TMTC2: variants seen among roughly 807,000 people sequenced by gnomAD.
The protein encoded by TMTC2 is protein O-mannosyl-transferase TMTC2.
In TMTC2, 43 loss-of-function variants were observed where a neutral mutation model predicts 82.4. The ratio of observed to expected loss-of-function variants is 0.52; its 90% confidence interval spans 0.41 to 0.67. The LOEUF (loss-of-function observed/expected upper bound fraction) is 0.67. Among genes scored for constraint, TMTC2 ranks in the 30% least tolerant of loss-of-function variants. The pLI, the probability that TMTC2 is intolerant of heterozygous loss-of-function variation, is 0.00. For missense variants in TMTC2, 919 were observed against 1,012.4 expected, an observed-to-expected ratio of 0.91 and a Z score of 1.25; for synonymous variants, 408 against 381.9, an observed-to-expected ratio of 1.07 and a Z score of -0.80.
chr12:83,087,029 C>T (rs957061114), intron 11 of TMTC2, among the ~76,000 whole-genome samples: 1 of 152,220 alleles, frequency 6.6e-6, no homozygotes, highest in African/African-American at 2.4e-5. Context: ...ATTTTACCAA[C>T]AGTAGAACTT....
At chr12:83,084,683 A>G (rs1405447263) in intron 11 of TMTC2, among the ~76,000 whole-genome samples, 2 of 152,222 alleles carry the variant, frequency 1.3e-5, no homozygotes, top group Non-Finnish European at 2.9e-5. Context: ...TTGTCTGTGG[A>G]TGACCTACTT....
At chr12:82,829,452 T>C (rs896078860) in intron 1 of TMTC2, among the ~76,000 whole-genome samples, 1 of 152,166 alleles carries the variant, frequency 6.6e-6, no homozygotes, top group African/African-American at 2.4e-5. Context: ...TAGAGTGGCT[T>C]TTCGTTTTCA....
intron 4 of TMTC2, among the ~76,000 whole-genome samples, chr12:82,937,997 C>T (rs1876498384): frequency 6.7e-6 from 1 of 148,860 alleles, no homozygotes; most frequent in South Asian, 2.1e-4. Flanking sequence ...TCACTGCAAC[C>T]TCCACATCCC....
chr12:83,051,011 A>G lies in TMTC2; in HGVS notation c.2260A>G (p.Met754Val), dbSNP rs760875221. The G allele has an allele frequency of 3.1e-6, 5 of 1,605,826 alleles. No individual in the cohort carries two copies. The highest frequency in any genetic ancestry group is 2.7e-5 in the African/African-American group (2 of 74,488). Residue 754 changes from methionine to valine, a missense_variant, in exon 10 of 12, where the codon ATG becomes GTG. Met to Val is a conservative substitution (Grantham distance 21). Transcript: ENST00000321196. ...EFDVVFNAAHMLRQASLNEAA... is the reference protein window; with the variant it reads ...EFDVVFNAAHVLRQASLNEAA... The stretch of plus-strand genomic sequence containing the variant: ...TGATGTTGTCTTCAATGCTGCCCAC[A>G]TGCTCAGGTTAGTTTTTTTGCTGCT...
At chr12:83,004,834 C>A (rs1361906581) in intron 8 of TMTC2, among the ~76,000 whole-genome samples, 1 of 132,464 alleles carries the variant, frequency 7.5e-6, no homozygotes, top group Admixed American at 8.9e-5. Context: ...TCATGGCTGG[C>A]AGGCGCGAAG....
chr12:83,043,336 C>T (rs1457306383), intron 9 of TMTC2, among the ~76,000 whole-genome samples: 1 of 152,142 alleles, frequency 6.6e-6, no homozygotes, highest in Non-Finnish European at 1.5e-5. Context: ...GTGTTACTAC[C>T]CTCTTCTAGT....
intron 2 of TMTC2, among the ~76,000 whole-genome samples, chr12:82,889,080 G>A (rs5028904): frequency 0.026 from 3,932 of 151,872 alleles, 170 homozygotes; most frequent in African/African-American, 0.09. Context: ...AGTTCAAGAC[G>A]AGCCTGACCA....
chr12:82,735,171 C>G (rs997261907), intron 1 of TMTC2, among the ~76,000 whole-genome samples: 1 of 152,108 alleles, frequency 6.6e-6, no homozygotes, highest in Non-Finnish European at 1.5e-5. Flanking sequence ...TCAAATCAAT[C>G]ATATGCTAAA....
intron 1 of TMTC2, among the ~76,000 whole-genome samples, chr12:82,805,550 C>T (rs1214706002): frequency 7.0e-6 from 1 of 143,632 alleles, no homozygotes; most frequent in East Asian, 2.0e-4. Context: ...CTCTGTCACC[C>T]AGGCTGGAGT....
At chr12:82,763,296 C>T (rs1876754993) in intron 1 of TMTC2, among the ~76,000 whole-genome samples, 1 of 151,988 alleles carries the variant, frequency 6.6e-6, no homozygotes, top group Non-Finnish European at 1.5e-5. Context: ...CAGATTAGTA[C>T]ATCCAAGAAA....
At chr12:82,692,532 A>G (rs1872621996) in intron 1 of TMTC2, among the ~76,000 whole-genome samples, 1 of 152,206 alleles carries the variant, frequency 6.6e-6, no homozygotes, top group East Asian at 1.9e-4. Context: ...AATATTAGGA[A>G]AGGATGACGT....
chr12:82,887,886 C>A (rs1873182703), intron 2 of TMTC2, among the ~76,000 whole-genome samples: 1 of 152,020 alleles, frequency 6.6e-6, no homozygotes, highest in Admixed American at 6.6e-5. Flanking sequence ...TCGAGACCAG[C>A]CTGACCAACA....
At chr12:82,719,059 T>TTTTATATATATA (rs1874040088) in intron 1 of TMTC2, among the ~76,000 whole-genome samples, 2 of 94,466 alleles carry the variant, frequency 2.1e-5, no homozygotes, top group Admixed American at 1.4e-4. Context: ...TTAGATGATT[T>TTTTATATATATA]TATATATATA....
chr12:83,064,038 T>A (rs1011831899), intron 11 of TMTC2, among the ~76,000 whole-genome samples: 5 of 151,870 alleles, frequency 3.3e-5, no homozygotes, highest in Non-Finnish European at 7.4e-5. Context: ...CTTTTTTTTT[T>A]ATTGCCTTCA....
intron 1 of TMTC2, among the ~76,000 whole-genome samples, chr12:82,718,214 A>C (rs1873989029): frequency 6.6e-6 from 1 of 152,214 alleles, no homozygotes; most frequent in African/African-American, 2.4e-5. Context: ...AAAACTGGTT[A>C]TTGGGCTTGA....
At chr12:82,758,672 A>G (rs1315417713) in intron 1 of TMTC2, 1 of 152,220 alleles carries the variant, frequency 6.6e-6, no homozygotes, top group Non-Finnish European at 1.5e-5. Context: ...TTAATCCTCA[A>G]ATAAAACTGT....
intron 9 of TMTC2, among the ~76,000 whole-genome samples, chr12:83,040,046 A>G (rs1017472578): frequency 8.5e-5 from 13 of 152,344 alleles, no homozygotes; most frequent in African/African-American, 3.1e-4. Context: ...TAACAATTAC[A>G]TTCCTGACCA....
At chr12:83,025,557 G>T (rs145009533) in intron 8 of TMTC2, among the ~76,000 whole-genome samples, 51 of 152,136 alleles carry the variant, frequency 3.4e-4, no homozygotes, top group Non-Finnish European at 5.1e-4. Flanking sequence ...CCGTTGTCCC[G>T]CAGACACCAA....
intron 4 of TMTC2, among the ~76,000 whole-genome samples, chr12:82,931,122 C>T (rs898210054): frequency 1.3e-5 from 2 of 152,004 alleles, no homozygotes; most frequent in African/African-American, 4.8e-5. Context: ...ATTGCCCAGA[C>T]TGGTGCCTAA....
Sources: allele counts gnomAD v4.1 joint callset (sites outside exome capture counted in the v4.1 genomes callset), GRCh38; gene constraint gnomAD v4.1.1; transcripts MANE v1.5; gene names NCBI Gene and HGNC (gene_info 2026-07-23, HGNC 2026-07-21).